Variants in JPH2 observed in about 807,000 individuals in gnomAD.
The protein encoded by JPH2 is junctophilin-2.
A neutral mutation model predicts 55.9 loss-of-function variants in JPH2; 38 were observed. The ratio of observed to expected loss-of-function variants is 0.68; its 90% CI spans 0.52 to 0.89. JPH2 has a LOEUF of 0.89. JPH2 is among the 40% of genes least tolerant of loss of function. JPH2 has a pLI of 0.00. For missense variants in JPH2, 964 were observed against 1,037.6 expected (o/e 0.93, Z 0.97); for synonymous variants, 480 against 472.4 (o/e 1.02, Z -0.21).
intron 2 of JPH2, among the ~76,000 whole-genome samples, 173 bp from the exon 3 acceptor site, chr20:44,118,796 C>T (rs955350057): frequency 6.6e-6 from 1 of 152,246 alleles, no homozygotes; most frequent in Non-Finnish European, 1.5e-5. Context: ...CAGATCATTT[C>T]TTCTTCTTTC....
chr20:44,139,877 T>C (rs754594491), intron 2 of JPH2, among the ~76,000 whole-genome samples: 1 of 152,100 alleles, frequency 6.6e-6, no homozygotes, highest in African/African-American at 2.4e-5. Context: ...AATGAATGTA[T>C]GATTTTTTTT....
At chr20:44,114,987 G>T in intron 4 of JPH2, 111 bp from the exon 5 acceptor site, 6 of 801,094 alleles carry the variant, frequency 7.5e-6, no homozygotes, top group Non-Finnish European at 1.1e-5. Context: ...ACCTTCCTAA[G>T]AGCATTGCCG....
chr20:44,136,349 G>A (rs1000956343), intron 2 of JPH2, among the ~76,000 whole-genome samples: 5 of 152,090 alleles, frequency 3.3e-5, no homozygotes, highest in Non-Finnish European at 5.9e-5. Flanking sequence ...GCAGGGGGAC[G>A]AAGTCTGCTG....
At chr20:44,140,417 G>T (rs1191530676) in intron 2 of JPH2, among the ~76,000 whole-genome samples, 7 of 152,156 alleles carry the variant, frequency 4.6e-5, no homozygotes, top group Admixed American at 3.3e-4. Flanking sequence ...CTTGGGCCAG[G>T]CTTCTGGCAA....
In JPH2 at chr20:44,107,999, G is replaced by A. The variant is rs985184292; in HGVS notation, c.*5519C>T. 6.6e-6 allele frequency among the ~76,000 whole-genome samples: 1 copy of A among 152,222 alleles called. No homozygotes were observed. Among genetic ancestry groups the A allele is most frequent in the Non-Finnish European group, 1.5e-5 (1 of 68,046 alleles). The stretch of plus-strand genomic sequence containing the variant: ...GGCCATGCCAGAAAAATCAACCACA[G>A]GGTTAAAAGATTGGGGCTTTGGGCT... On this transcript the variant is annotated 3_prime_UTR_variant, in exon 6 of 6. Coordinates refer to ENST00000372980, the MANE Select transcript of JPH2 (RefSeq NM_020433.5).
rs762310373 is a variant in JPH2 at position 44,116,068 on chromosome 20, G to A, written c.1607C>T (p.Ala536Val). The change falls in exon 4 of 6, where the codon GCG becomes GTG. Residue 536 changes from alanine (A) to valine (V), a missense_variant. Ala to Val is a moderately conservative substitution (Grantham distance 64). Transcript: ENST00000372980. Reference protein sequence around the residue: ...PSEGAGRRSPARPATERMAIE... With the variant: ...PSEGAGRRSPVRPATERMAIE... ...GGCCATGCGCTCGGTGGCTGGACGC[G>A]CGGGGCTGCGGCGGCCCGCGCCCTC... 1.9e-6 allele frequency: 3 copies of A among 1,540,208 alleles called. No individual in the cohort carries two copies. The highest frequency in any genetic ancestry group is 1.9e-5 in the Admixed American group (1 of 51,308).
At chr20:44,150,194 T>C (rs2072522147) in intron 2 of JPH2, among the ~76,000 whole-genome samples, 1 of 144,818 alleles carries the variant, frequency 6.9e-6, no homozygotes, top group Admixed American at 7.0e-5. Flanking sequence ...GAAGATGTCA[T>C]GTCATAAAAA....
At position 44,162,745 on chromosome 20, in the gene JPH2, C is replaced by CATAT. The variant is rs1157323951; in HGVS notation, c.380-2342_380-2339dup. On this transcript the variant is annotated intron_variant, in intron 1 of 5. Coordinates refer to ENST00000372980, the MANE Select transcript of JPH2 (RefSeq NM_020433.5). The stretch of plus-strand genomic sequence containing the variant: ...GAGTTAATACTCCTTAATAAACTTC[C>CATAT]ATATATATATATATATATATATATA... Among the ~76,000 whole-genome samples the CATAT allele has an allele frequency of 9.0e-4, 47 of 52,440 alleles. 1 individual carries two copies. The highest frequency in any genetic ancestry group is 2.3e-3 in the South Asian group (3 of 1,302). The allele number at this position is 52,440 out of a possible 152,430, so 34.4% of individuals were successfully genotyped here.
At chr20:44,151,845 A>T (rs2145872684) in intron 2 of JPH2, among the ~76,000 whole-genome samples, 1 of 152,286 alleles carries the variant, frequency 6.6e-6, no homozygotes, top group African/African-American at 2.4e-5. Flanking sequence ...ATTGCTCCCA[A>T]AATACATCAC....
chr20:44,182,663 T>A (rs1210811974), intron 1 of JPH2, among the ~76,000 whole-genome samples: 6 of 152,186 alleles, frequency 3.9e-5, no homozygotes, highest in African/African-American at 1.4e-4. Context: ...GGCTCCTCCA[T>A]CCTCCTTCTG....
chr20:44,163,918 C>A (rs1224493049), intron 1 of JPH2, among the ~76,000 whole-genome samples: 2 of 152,088 alleles, frequency 1.3e-5, no homozygotes, highest in African/African-American at 4.8e-5. Flanking sequence ...CCTCAAAAAA[C>A]CAAGGATCAT....
chr20:44,131,115 C>T (rs1367548119), intron 2 of JPH2, among the ~76,000 whole-genome samples: 1 of 152,108 alleles, frequency 6.6e-6, no homozygotes, highest in Non-Finnish European at 1.5e-5. Context: ...GTGGGCTGGA[C>T]CTAGAGACAT....
intron 2 of JPH2, among the ~76,000 whole-genome samples, chr20:44,149,217 C>G (rs1173063888): frequency 6.6e-6 from 1 of 152,136 alleles, no homozygotes; most frequent in Admixed American, 6.5e-5. Flanking sequence ...GTGGCTCTGC[C>G]ATGTTTCATG....
chr20:44,155,562 C>T (rs1452205323), intron 2 of JPH2, among the ~76,000 whole-genome samples: 1 of 152,184 alleles, frequency 6.6e-6, no homozygotes, highest in Non-Finnish European at 1.5e-5. Context: ...GTGTGGGCTG[C>T]ACTGAGTGTC....
chr20:44,126,167 G>GAA (rs1216331439), intron 2 of JPH2, among the ~76,000 whole-genome samples: 5,957 of 74,568 alleles, frequency 0.08, 391 homozygotes, highest in Non-Finnish European at 0.11. Context: ...AGGGAGGGAG[G>GAA]GAGGAAGGAA....
chr20:44,110,501 T>A lies in JPH2; in HGVS notation c.*3017A>T, dbSNP rs1025088991. 6.6e-6 allele frequency among the ~76,000 whole-genome samples: 1 copy of A among 152,076 alleles called. No homozygotes were observed. The highest frequency in any genetic ancestry group is 1.5e-5 in the Non-Finnish European group (1 of 68,006). ...GTGCAGTGGCTTGATCTTGGCTCAC[T>A]GCAACCTCCGCCTCCAGGGTTCAAG... On this transcript the variant is annotated 3_prime_UTR_variant, in exon 6 of 6. Transcript: ENST00000372980.
intron 2 of JPH2, among the ~76,000 whole-genome samples, chr20:44,121,121 G>A (rs980207333): frequency 1.3e-5 from 2 of 152,236 alleles, no homozygotes; most frequent in African/African-American, 4.8e-5. Context: ...GGGTGGTGGA[G>A]GTGGGCTGGT....
At chr20:44,130,847 A>G (rs2072313001) in intron 2 of JPH2, among the ~76,000 whole-genome samples, 1 of 152,192 alleles carries the variant, frequency 6.6e-6, no homozygotes, top group Non-Finnish European at 1.5e-5. Context: ...GCCTCCATTT[A>G]TAACACAGTG....
chr20:44,174,922 T>C (rs1250646303), intron 1 of JPH2, among the ~76,000 whole-genome samples: 1 of 151,968 alleles, frequency 6.6e-6, no homozygotes, highest in Non-Finnish European at 1.5e-5. Context: ...GAGCCCCCCG[T>C]GCAGGGGTGG....
Sources: allele counts gnomAD v4.1 joint callset (sites outside exome capture counted in the v4.1 genomes callset), GRCh38; gene constraint gnomAD v4.1.1; transcripts MANE v1.5; gene names NCBI Gene and HGNC (gene_info 2026-07-23, HGNC 2026-07-21).